The following THSD4 variants were observed in gnomAD, a reference collection of about 807,000 sequenced individuals.
THSD4 encodes the protein thrombospondin type 1 domain containing 4, also known as thrombospondin type-1 domain-containing protein 4.
THSD4 carries 69 observed loss-of-function variants against 119.0 expected under a neutral mutation model. The ratio of observed to expected loss-of-function variants is 0.58; its 90% CI spans 0.48 to 0.71. THSD4 has a LOEUF of 0.71. THSD4 is among the 30% of genes least tolerant of loss of function. The pLI is 0.00. For synonymous variants in THSD4, 524 were observed against 540.4 expected, an observed-to-expected ratio of 0.97 and a Z score of 0.42; for missense variants, 1,393 against 1,391.1, an observed-to-expected ratio of 1.00 and a Z score of -0.02.
chr15:71,128,914 G>A (rs928510101), intron 1 of THSD4, among the ~76,000 whole-genome samples: 18 of 152,204 alleles, frequency 1.2e-4, no homozygotes, highest in Admixed American at 1.0e-3. Context: ...TGACAAAGGT[G>A]CATAGGGAAA....
At chr15:71,100,170 C>T (rs1392505197) in intron 1 of THSD4, among the ~76,000 whole-genome samples, 1 of 152,154 alleles carries the variant, frequency 6.6e-6, no homozygotes, top group Non-Finnish European at 1.5e-5. Flanking sequence ...GTTTAATCTC[C>T]ACTCCTTAAG....
At chr15:71,770,713 A>C (rs1479200041) in intron 16 of THSD4, among the ~76,000 whole-genome samples, 4 of 152,218 alleles carry the variant, frequency 2.6e-5, no homozygotes, top group Non-Finnish European at 5.9e-5. Flanking sequence ...CACTGAGTCT[A>C]TATTGAAGAG....
intron 6 of THSD4, among the ~76,000 whole-genome samples, chr15:71,285,421 C>T (rs2044702859): frequency 6.6e-6 from 1 of 152,200 alleles, no homozygotes; most frequent in Non-Finnish European, 1.5e-5. Context: ...GTCTACATGA[C>T]AGGGCTTCAC....
intron 14 of THSD4, among the ~76,000 whole-genome samples, chr15:71,755,939 G>A (rs370768842): frequency 6.6e-6 from 1 of 152,004 alleles, no homozygotes; most frequent in Non-Finnish European, 1.5e-5. Context: ...GAATGACAGG[G>A]GCAAGGGCTC....
chr15:71,493,308 CTCTG>C (rs1445771234), intron 7 of THSD4, among the ~76,000 whole-genome samples: 7 of 152,222 alleles, frequency 4.6e-5, no homozygotes, highest in Admixed American at 2.0e-4. Context: ...CAAGCCAGTG[CTCTG>C]TCTAACTCTC....
chr15:71,749,475 A>C (rs2053403179), intron 14 of THSD4, among the ~76,000 whole-genome samples: 2 of 152,022 alleles, frequency 1.3e-5, no homozygotes, highest in African/African-American at 4.8e-5. Flanking sequence ...AGATCTAGGG[A>C]GTTTACCTGG....
chr15:71,112,257 C>A, upstream of THSD4: 1 of 1,591,970 alleles, frequency 6.3e-7, no homozygotes, highest in South Asian at 1.1e-5. Context: ...TGGTGACAGT[C>A]TTCTATAGGA....
chr15:71,437,760 G>A (rs968563773), intron 7 of THSD4, among the ~76,000 whole-genome samples: 1 of 152,208 alleles, frequency 6.6e-6, no homozygotes, highest in East Asian at 1.9e-4. Flanking sequence ...ATATGTATTT[G>A]TGATTTTGAT....
intron 3 of THSD4, among the ~76,000 whole-genome samples, chr15:71,181,342 C>G (rs1020818304): frequency 1.3e-5 from 2 of 152,198 alleles, no homozygotes; most frequent in African/African-American, 4.8e-5. Flanking sequence ...GATTCAAAGT[C>G]AACAGCAGAA....
At position 71,519,306 on chromosome 15, in the gene THSD4, G is replaced by A. The variant is rs1167554615; in HGVS notation, c.1152+107483G>A. Among the ~76,000 whole-genome samples the A allele has an allele frequency of 2.6e-5, 4 of 152,312 alleles. No homozygotes were observed. In the East Asian group the frequency reaches 7.7e-4, roughly 29 times the overall value. ...ACAGGCTTTGGATTTTGCTCCAAGT[G>A]TAATGGGACACCACAGGGTTCTAAG... On this transcript the variant is annotated intron_variant, in intron 7 of 17. Transcript: ENST00000261862.
intron 6 of THSD4, among the ~76,000 whole-genome samples, chr15:71,284,755 A>G (rs1229147344): frequency 1.3e-5 from 2 of 152,106 alleles, no homozygotes; most frequent in Admixed American, 1.3e-4. Context: ...AAATAAGTCA[A>G]TTTCTGAATA....
intron 7 of THSD4, among the ~76,000 whole-genome samples, chr15:71,629,154 T>A (rs1194028342): frequency 6.6e-6 from 1 of 152,068 alleles, no homozygotes; most frequent in Non-Finnish European, 1.5e-5. Flanking sequence ...GAATAAACAA[T>A]GTAGTGGAAC....
At chr15:71,302,577 G>A (rs552991174) in intron 6 of THSD4, among the ~76,000 whole-genome samples, 2 of 152,082 alleles carry the variant, frequency 1.3e-5, no homozygotes, top group East Asian at 3.9e-4. Flanking sequence ...GTTTTGTTGG[G>A]TGGGAGTGGG....
intron 7 of THSD4, among the ~76,000 whole-genome samples, chr15:71,540,263 G>A (rs577795882): frequency 1.3e-5 from 2 of 149,166 alleles, no homozygotes; most frequent in East Asian, 2.0e-4. Flanking sequence ...TCAGCCTCCC[G>A]AGTAACTGGG....
intron 3 of THSD4, among the ~76,000 whole-genome samples, chr15:71,162,941 C>A (rs960954164): frequency 2.6e-5 from 4 of 151,836 alleles, no homozygotes; most frequent in African/African-American, 4.8e-5. Flanking sequence ...TGTTTTAATT[C>A]ATTCATTAAA....
intron 8 of THSD4, among the ~76,000 whole-genome samples, chr15:71,727,115 A>G (rs8041646): frequency 3.3e-5 from 5 of 151,970 alleles, no homozygotes; most frequent in African/African-American, 7.3e-5. Flanking sequence ...AGTACACACT[A>G]GAAATCACAG....
At chr15:71,607,587 C>T (rs1158823649) in intron 7 of THSD4, among the ~76,000 whole-genome samples, 1 of 152,152 alleles carries the variant, frequency 6.6e-6, no homozygotes, top group Non-Finnish European at 1.5e-5. Context: ...GGAGGGTGCT[C>T]AGGAAAGCAC....
At chr15:71,532,603 C>T (rs983658502) in intron 7 of THSD4, among the ~76,000 whole-genome samples, 15 of 152,172 alleles carry the variant, frequency 9.9e-5, no homozygotes, top group African/African-American at 2.9e-4. Context: ...GTGTGAGCCA[C>T]CACATCCAGC....
intron 7 of THSD4, among the ~76,000 whole-genome samples, chr15:71,499,081 C>G (rs112868741): frequency 6.6e-6 from 1 of 152,092 alleles, no homozygotes; most frequent in African/African-American, 2.4e-5. Flanking sequence ...CAAATCAATT[C>G]TAAGTGCTGT....
Sources: gnomAD v4.1 joint callset for allele counts (sites outside exome capture counted in the v4.1 genomes callset) on GRCh38, gnomAD v4.1.1 for gene constraint, MANE v1.5 for transcripts, NCBI Gene and HGNC (gene_info 2026-07-23, HGNC 2026-07-21) for gene names.